Variants in INVS observed in about 807,000 individuals in gnomAD.
INVS encodes inversin, also known as inversion of embryo turning homolog.
Under a neutral mutation model 108.8 loss-of-function variants are expected in INVS, and 86 were observed. The ratio of observed to expected loss-of-function variants is 0.79; its 90% CI spans 0.66 to 0.95. INVS has a LOEUF of 0.95. Ranked by LOEUF, INVS falls within the 40% of genes least tolerant of loss-of-function variation. The probability of loss-of-function intolerance (pLI) is 0.00; values close to 1 mark genes in which losing one functional copy is unlikely to be tolerated. For synonymous variants in INVS, 455 were observed against 473.5 expected (o/e 0.96, Z 0.51); for missense variants, 1,169 against 1,297.4 (o/e 0.90, Z 1.52).
At position 100,236,087 on chromosome 9, in the gene INVS, A is replaced by C. The variant is rs137872824; in HGVS notation, c.616-3973A>C. 2.6e-5 allele frequency among the ~76,000 whole-genome samples: 4 copies of C among 152,144 alleles called. No homozygotes were observed. In the East Asian group the frequency reaches 5.8e-4, roughly 22 times the overall value. On this transcript the variant is annotated intron_variant, in intron 5 of 16. Coordinates refer to ENST00000262457, the MANE Select transcript of INVS (RefSeq NM_014425.5). ...TTATTTTTTCTCTAACCTTGTCTTC[A>C]TGCTTTATTTCATTAAGTTGATCTT... is the stretch of plus-strand genomic sequence containing the variant.
intron 3 of INVS, among the ~76,000 whole-genome samples, chr9:100,134,394 G>A (rs1226946066): frequency 6.6e-6 from 1 of 152,168 alleles, no homozygotes; most frequent in Non-Finnish European, 1.5e-5. Context: ...GAATTGTGCT[G>A]CTATAAACAT....
At chr9:100,198,134 T>A (rs1039917554) in intron 3 of INVS, among the ~76,000 whole-genome samples, 2 of 152,072 alleles carry the variant, frequency 1.3e-5, no homozygotes, top group African/African-American at 4.8e-5. Context: ...CCCAATAATA[T>A]CCTTAGGTAT....
chr9:100,238,555 T>G (rs1831763344), intron 5 of INVS, among the ~76,000 whole-genome samples: 1 of 152,212 alleles, frequency 6.6e-6, no homozygotes, highest in Non-Finnish European at 1.5e-5. Flanking sequence ...ACTCTTGCCT[T>G]TAGGGTCTCC....
intron 3 of INVS, among the ~76,000 whole-genome samples, chr9:100,169,264 T>C (rs1234598277): frequency 2.0e-5 from 3 of 152,184 alleles, no homozygotes; most frequent in Non-Finnish European, 4.4e-5. Flanking sequence ...AGTGACAGGA[T>C]TGCATTTAAG....
chr9:100,168,592 A>C (rs1216396857), intron 3 of INVS, among the ~76,000 whole-genome samples: 1 of 152,124 alleles, frequency 6.6e-6, no homozygotes, highest in Non-Finnish European at 1.5e-5. Flanking sequence ...TTAGAGGTCT[A>C]ATTGGATTGA....
At chr9:100,198,258 G>T (rs1830435355) in intron 3 of INVS, among the ~76,000 whole-genome samples, 1 of 126,318 alleles carries the variant, frequency 7.9e-6, no homozygotes, top group Non-Finnish European at 1.6e-5. Context: ...AAGATTGAGG[G>T]CTAGAATTTT....
chr9:100,151,374 G>A (rs1482627242), intron 3 of INVS, among the ~76,000 whole-genome samples: 1 of 152,244 alleles, frequency 6.6e-6, no homozygotes, highest in South Asian at 2.1e-4. Context: ...AGCCACTCAG[G>A]AGGCTGAGAT....
chr9:100,160,899 G>C (rs1829149030), intron 3 of INVS, among the ~76,000 whole-genome samples: 1 of 139,208 alleles, frequency 7.2e-6, no homozygotes, highest in African/African-American at 2.7e-5. Context: ...AGGTTGCAGT[G>C]AGCTGAGATC....
intron 3 of INVS, chr9:100,176,072 A>T (rs1050934533): frequency 4.1e-6 from 2 of 484,878 alleles, no homozygotes; most frequent in South Asian, 1.7e-5. Context: ...AGTGAAACTG[A>T]TATTACTCAA....
intron 3 of INVS, among the ~76,000 whole-genome samples, chr9:100,197,467 GAAGGGTCCC>G (rs1484963472): frequency 6.6e-6 from 1 of 152,150 alleles, no homozygotes; most frequent in African/African-American, 2.4e-5. Flanking sequence ...GCAAGGTATA[GAAGGGTCCC>G]AAGCACAGGA....
intron 3 of INVS, among the ~76,000 whole-genome samples, chr9:100,185,516 A>AATATAGATATATAT (rs1830028973): frequency 9.0e-6 from 1 of 110,852 alleles, no homozygotes; most frequent in Non-Finnish European, 1.8e-5. Context: ...TATGCATAGA[A>AATATAGATATATAT]ATATATATAT....
At chr9:100,299,353 C>G (rs1012470540) in intron 16 of INVS, among the ~76,000 whole-genome samples, 8 of 152,050 alleles carry the variant, frequency 5.3e-5, no homozygotes, top group African/African-American at 1.7e-4. Flanking sequence ...GAGAACCCCC[C>G]ACCCCCGAGG....
chr9:100,174,900 A>C (rs1829661660), intron 3 of INVS, among the ~76,000 whole-genome samples: 1 of 152,164 alleles, frequency 6.6e-6, no homozygotes, highest in Non-Finnish European at 1.5e-5. Context: ...CGACAGAGTG[A>C]GATGCTGTCT....
Position 100,301,139 on chromosome 9 carries a change from T to TCTCTCA in INVS, c.*466_*467insTCTCAC, listed in dbSNP as rs200314659. 3.0e-5 allele frequency: 5 copies of TCTCTCA among 167,812 alleles called. No homozygotes were observed. The highest frequency in any genetic ancestry group is 1.0e-4 in the South Asian group (1 of 9,710). The allele number at this position is 167,812 out of a possible 1,614,324, so 10.4% of individuals were successfully genotyped here. A position where few individuals can be genotyped will look rare whatever the true frequency, so the allele number is the denominator to read the frequency against. Reference sequence around the variant, plus strand: ...CCTGGCATCTAATGCAACAAACTTATCACACACACACACACACACACACAC... The same window carrying TCTCTCA: ...CCTGGCATCTAATGCAACAAACTTATCTCTCACACACACACACACACACACACACAC... On this transcript the variant is annotated 3_prime_UTR_variant, in exon 17 of 17. Coordinates refer to ENST00000262457, the MANE Select transcript of INVS (RefSeq NM_014425.5).
At chr9:100,299,386 TAAAAA>T (rs1362033745) in intron 16 of INVS, among the ~76,000 whole-genome samples, 1 of 151,614 alleles carries the variant, frequency 6.6e-6, no homozygotes, top group African/African-American at 2.4e-5. Context: ...CTTTACCACT[TAAAAA>T]GGAAGAAGCA....
At chr9:100,238,153 A>G (rs1003271006) in intron 5 of INVS, among the ~76,000 whole-genome samples, 1 of 152,128 alleles carries the variant, frequency 6.6e-6, no homozygotes, top group Admixed American at 6.5e-5. Context: ...TGCTGGGATT[A>G]CAGGCATGAG....
chr9:100,236,827 G>T (rs1178540336), intron 5 of INVS, among the ~76,000 whole-genome samples: 1 of 152,214 alleles, frequency 6.6e-6, no homozygotes, highest in Non-Finnish European at 1.5e-5. Flanking sequence ...CAGTGAGGAG[G>T]CACAGGAGTC....
intron 3 of INVS, among the ~76,000 whole-genome samples, chr9:100,181,652 G>C (rs997178775): frequency 6.6e-6 from 1 of 152,152 alleles, no homozygotes; most frequent in African/African-American, 2.4e-5. Context: ...CATACTCATA[G>C]ATAGGAAGAA....
rs1831313459 is a variant in INVS at position 100,226,183 on chromosome 9, T to G, written c.395T>G (p.Leu132Arg). The G allele has an allele frequency of 1.2e-6, 2 of 1,614,044 alleles. No individual in the cohort carries two copies. The highest frequency in any genetic ancestry group is 1.7e-6 in the Non-Finnish European group (2 of 1,179,984). Residue 132 changes from leucine to arginine, a missense_variant, in exon 4 of 17, where the codon CTT becomes CGT. Transcript: ENST00000262457. ...CACAGGAGCCCTAAGTGTTTGGCAC[T>G]TCTGCTGAAGTTTATGGCACCAGGA... ...TRHRSPKCLA[L>R]LLKFMAPGEV...
Sources: gnomAD v4.1 joint callset for allele counts (sites outside exome capture counted in the v4.1 genomes callset) on GRCh38, gnomAD v4.1.1 for gene constraint, MANE v1.5 for transcripts, NCBI Gene and HGNC (gene_info 2026-07-23, HGNC 2026-07-21) for gene names.